AKR1C3: variants seen among roughly 807,000 people sequenced by gnomAD.
The protein encoded by AKR1C3 is aldo-keto reductase family 1 member C3.
Under a neutral mutation model 43.6 loss-of-function variants are expected in AKR1C3, and 48 were observed. That is an observed-to-expected ratio of 1.10 (90% confidence interval 0.87 to 1.40). The LOEUF is 1.40. Ranked by LOEUF, AKR1C3 falls within the 40% of genes most tolerant of loss-of-function variation. The pLI is 0.00. For synonymous variants in AKR1C3, 162 were observed against 139.6 expected (o/e 1.16, Z -1.13); for missense variants, 482 against 391.2 (o/e 1.23, Z -1.96).
intron 1 of AKR1C3, among the ~76,000 whole-genome samples, chr10:5,053,361 T>C (rs1157392495): frequency 6.6e-6 from 1 of 152,208 alleles, no homozygotes; most frequent in Non-Finnish European, 1.5e-5. Context: ...AGCCCCTCAC[T>C]GCCCTGGGCT....
At chr10:5,099,487 T>G in intron 5 of AKR1C3, 38 bp downstream of exon 5, 1 of 1,613,910 alleles carries the variant, frequency 6.2e-7, no homozygotes, top group East Asian at 2.2e-5. Flanking sequence ...CGGTTCTTCA[T>G]GCCCCCTCTT....
chr10:5,073,204 C>T lies in AKR1C3; in HGVS notation c.85-23206C>T, dbSNP rs576599299. Among the ~76,000 whole-genome samples the T allele has an allele frequency of 1.2e-4, 18 of 152,232 alleles. No individual in the cohort carries two copies. The East Asian group carries it at 1.4e-3, about 11-fold the overall frequency. On this transcript the variant is annotated intron_variant, in intron 1 of 8. Transcript: ENST00000439082. ...GTCTCGAACCCTTGTCCTCATGATC[C>T]GCCTGCCTCAGCCTCCCAAATTGCT...
At chr10:5,094,637 A>G (rs1839168604) in intron 1 of AKR1C3, 109 bp downstream of exon 1, 10 of 1,240,288 alleles carry the variant, frequency 8.1e-6, no homozygotes, top group Non-Finnish European at 1.2e-5. Context: ...TGGATGACTC[A>G]CTGGTCTAGG....
At chr10:5,095,114 A>G (rs1350586066) in intron 1 of AKR1C3, among the ~76,000 whole-genome samples, 1 of 152,096 alleles carries the variant, frequency 6.6e-6, no homozygotes, top group Non-Finnish European at 1.5e-5. Context: ...GAACCTAACA[A>G]AGGAAAGTCT....
chr10:5,063,347 A>G (rs1490232193), intron 1 of AKR1C3, among the ~76,000 whole-genome samples: 1 of 152,178 alleles, frequency 6.6e-6, no homozygotes, highest in Admixed American at 6.5e-5. Flanking sequence ...ATCGTATGTC[A>G]TCCCCACAGA....
chr10:5,057,379 G>C (rs893591767), intron 1 of AKR1C3, among the ~76,000 whole-genome samples: 37 of 152,114 alleles, frequency 2.4e-4, no homozygotes, highest in Non-Finnish European at 5.4e-4. Context: ...CCCTATTATA[G>C]AACACTGAAG....
rs868912914 is a variant in AKR1C3, at chr10:5,105,776, A to G, written c.929+99A>G. On this transcript the variant is annotated intron_variant, in intron 8 of 8. Coordinates refer to ENST00000380554, the MANE Select transcript of AKR1C3 (RefSeq NM_003739.6). ...CTCCATACCAGAGGGACAGAGGCCA[A>G]TGTGAGTCAGAGGTGAGACTGGAAC... is the stretch of plus-strand genomic sequence containing the variant. 4.1e-5 allele frequency: 36 copies of G among 884,336 alleles called. No individual in the cohort carries two copies. The South Asian group carries it at 5.0e-4, about 12-fold the overall frequency. The allele number at this position is 884,336 out of a possible 1,614,324, so 54.8% of individuals were successfully genotyped here.
At chr10:5,084,659 A>G (rs1554782743) in intron 1 of AKR1C3, among the ~76,000 whole-genome samples, 1 of 152,096 alleles carries the variant, frequency 6.6e-6, no homozygotes, top group East Asian at 1.9e-4. Context: ...TCTATAAATT[A>G]CCTTGGGCAG....
At chr10:5,060,431 G>T (rs1393728143) in intron 1 of AKR1C3, among the ~76,000 whole-genome samples, 2 of 152,170 alleles carry the variant, frequency 1.3e-5, no homozygotes, top group Non-Finnish European at 2.9e-5. Context: ...GGTTCTCCAA[G>T]TCCCCACCAG....
intron 1 of AKR1C3, among the ~76,000 whole-genome samples, chr10:5,063,111 T>A (rs782008729): frequency 6.6e-6 from 1 of 152,182 alleles, no homozygotes; most frequent in Non-Finnish European, 1.5e-5. Flanking sequence ...TATGAAAACA[T>A]GTATTTTTGA....
intron 1 of AKR1C3, among the ~76,000 whole-genome samples, chr10:5,061,569 G>C (rs782540437): frequency 7.2e-5 from 11 of 152,162 alleles, no homozygotes; most frequent in Non-Finnish European, 1.2e-4. Flanking sequence ...AAACGCATTG[G>C]CAACATTTTG....
intron 1 of AKR1C3, among the ~76,000 whole-genome samples, chr10:5,055,993 A>G (rs1226987646): frequency 6.6e-6 from 1 of 152,192 alleles, no homozygotes; most frequent in Admixed American, 6.5e-5. Context: ...GATTAGGCCT[A>G]GATATTTGAC....
At chr10:5,052,760 G>GACTT (rs1838178225) in intron 1 of AKR1C3, among the ~76,000 whole-genome samples, 1 of 151,908 alleles carries the variant, frequency 6.6e-6, no homozygotes, top group African/African-American at 2.4e-5. Context: ...TGGACACAAA[G>GACTT]GTTCTCCAAG....
At chr10:5,051,570 C>T (rs1838154364) in intron 1 of AKR1C3, among the ~76,000 whole-genome samples, 1 of 152,238 alleles carries the variant, frequency 6.6e-6, no homozygotes, top group Non-Finnish European at 1.5e-5. Context: ...AATCACTGTG[C>T]TACCCCCCAG....
At chr10:5,068,803 A>G (rs191307313) in intron 1 of AKR1C3, among the ~76,000 whole-genome samples, 2 of 152,220 alleles carry the variant, frequency 1.3e-5, no homozygotes, top group African/African-American at 4.8e-5. Context: ...CTTTCATCTC[A>G]GAAGCCCCCA....
At chr10:5,079,224 A>G (rs570690854) in intron 1 of AKR1C3, among the ~76,000 whole-genome samples, 16 of 152,216 alleles carry the variant, frequency 1.1e-4, no homozygotes, top group Non-Finnish European at 1.8e-4. Flanking sequence ...CCCAGGAGGC[A>G]GGAGTGGGGC....
intron 1 of AKR1C3, among the ~76,000 whole-genome samples, chr10:5,066,016 T>C (rs144028130): frequency 6.6e-6 from 1 of 152,278 alleles, no homozygotes; most frequent in East Asian, 1.9e-4. Context: ...GGTGGTGTCT[T>C]TACCTGGAAT....
At chr10:5,092,277 T>A (rs1462555003), upstream of AKR1C3, among the ~76,000 whole-genome samples, 1 of 151,232 alleles carries the variant, frequency 6.6e-6, no homozygotes, top group African/African-American at 2.5e-5. Context: ...TTGGTCTCTT[T>A]ATCTGAACTC....
At chr10:5,064,643 C>A (rs1157976423) in intron 1 of AKR1C3, among the ~76,000 whole-genome samples, 3 of 152,128 alleles carry the variant, frequency 2.0e-5, no homozygotes, top group Admixed American at 6.5e-5. Context: ...TGATGAATGT[C>A]CAATATCCAG....
Sources: gnomAD v4.1 joint callset for allele counts (sites outside exome capture counted in the v4.1 genomes callset) on GRCh38, gnomAD v4.1.1 for gene constraint, MANE v1.5 for transcripts, NCBI Gene and HGNC (gene_info 2026-07-23, HGNC 2026-07-21) for gene names.